The following EXOC4 variants were observed in gnomAD, a reference collection of about 807,000 sequenced individuals.
The protein encoded by EXOC4 is SEC8-like 1.
EXOC4 carries 71 observed loss-of-function variants against 107.2 expected under a neutral mutation model. The ratio of observed to expected loss-of-function variants is 0.66; its 90% CI spans 0.55 to 0.81. The LOEUF (loss-of-function observed/expected upper bound fraction) is 0.81. Among genes scored for constraint, EXOC4 ranks in the 30% least tolerant of loss-of-function variants. The pLI is 0.00. For synonymous variants in EXOC4, 456 were observed against 441.2 expected, an observed-to-expected ratio of 1.03 and a Z score of -0.42; for missense variants, 1,108 against 1,189.6, an observed-to-expected ratio of 0.93 and a Z score of 1.01.
At chr7:133,448,805 T>C (rs1459132187) in intron 7 of EXOC4, among the ~76,000 whole-genome samples, 1 of 152,132 alleles carries the variant, frequency 6.6e-6, no homozygotes, top group East Asian at 1.9e-4. Flanking sequence ...AGTGACCTTA[T>C]AGGAAGATGG....
At chr7:133,566,885 A>G (rs993477095) in intron 9 of EXOC4, among the ~76,000 whole-genome samples, 35 of 152,200 alleles carry the variant, frequency 2.3e-4, no homozygotes, top group Admixed American at 6.5e-4. Context: ...GGATATAACA[A>G]TAGACTAAAG....
chr7:133,595,922 A>C (rs534357253), intron 9 of EXOC4, among the ~76,000 whole-genome samples: 6 of 152,104 alleles, frequency 3.9e-5, no homozygotes, highest in African/African-American at 1.4e-4. Context: ...TCTCCTACAG[A>C]GCCAAATACC....
At chr7:133,356,168 T>C (rs1470686907) in intron 5 of EXOC4, among the ~76,000 whole-genome samples, 162 bp from the exon 6 acceptor site, 5 of 152,242 alleles carry the variant, frequency 3.3e-5, no homozygotes, top group African/African-American at 1.2e-4. Flanking sequence ...AATGTTATTT[T>C]GTGACTTTTG....
At chr7:134,021,860 T>G (rs1039340970) in intron 17 of EXOC4, among the ~76,000 whole-genome samples, 1 of 151,858 alleles carries the variant, frequency 6.6e-6, no homozygotes, top group Non-Finnish European at 1.5e-5. Context: ...CTGCATCTCA[T>G]TCTCCTTCAG....
chr7:134,099,363 T>C, the EXOC4 span, among the ~76,000 whole-genome samples: 2 of 99,228 alleles, frequency 2.0e-5, no homozygotes, highest in African/African-American at 1.5e-4. Flanking sequence ...CCTCCCTCTC[T>C]TCTCTCCTGA....
chr7:133,302,935 T>G (rs1794672196), intron 3 of EXOC4, among the ~76,000 whole-genome samples: 1 of 152,216 alleles, frequency 6.6e-6, no homozygotes, highest in Admixed American at 6.5e-5. Context: ...AAACAATCTT[T>G]TTATCATTAA....
At chr7:133,438,904 G>T (rs1046540631) in intron 7 of EXOC4, among the ~76,000 whole-genome samples, 1 of 152,140 alleles carries the variant, frequency 6.6e-6, no homozygotes, top group African/African-American at 2.4e-5. Context: ...ATGACAGTAG[G>T]TCAGTTCATT....
intron 10 of EXOC4, among the ~76,000 whole-genome samples, chr7:133,711,780 A>T (rs1794897810): frequency 6.6e-6 from 1 of 152,144 alleles, no homozygotes; most frequent in Non-Finnish European, 1.5e-5. Context: ...TTCATTTCAT[A>T]TGGGTGCCTC....
intron 17 of EXOC4, among the ~76,000 whole-genome samples, chr7:134,057,933 AAC>A (rs1317138941): frequency 3.9e-5 from 6 of 152,230 alleles, no homozygotes; most frequent in African/African-American, 1.4e-4. Context: ...TGAAAGACTT[AAC>A]CAGAATCTGA....
intron 7 of EXOC4, among the ~76,000 whole-genome samples, chr7:133,425,475 C>T (rs891124865): frequency 2.6e-5 from 4 of 151,984 alleles, no homozygotes; most frequent in Non-Finnish European, 5.9e-5. Context: ...TTAGTAGAGA[C>T]GGGGTATCAC....
intron 1 of EXOC4, among the ~76,000 whole-genome samples, chr7:133,254,348 C>G (rs1453660289): frequency 6.6e-6 from 1 of 152,152 alleles, no homozygotes; most frequent in Admixed American, 6.5e-5. Context: ...CTTGGTAGGC[C>G]ATACAGAGGA....
At chr7:133,440,972 T>TG (rs751499811) in intron 7 of EXOC4, among the ~76,000 whole-genome samples, 1 of 137,202 alleles carries the variant, frequency 7.3e-6, no homozygotes, top group Admixed American at 7.5e-5. Context: ...AATTATTTCT[T>TG]GTGTGAGATC....
chr7:133,830,818 C>T (rs1563018095), intron 11 of EXOC4, among the ~76,000 whole-genome samples: 1 of 152,130 alleles, frequency 6.6e-6, no homozygotes, highest in African/African-American at 2.4e-5. Flanking sequence ...CCTTATTTTG[C>T]GTATATGTGT....
chr7:133,281,732 C>T (rs1199359904), intron 2 of EXOC4, among the ~76,000 whole-genome samples: 5 of 145,218 alleles, frequency 3.4e-5, no homozygotes, highest in Admixed American at 6.9e-5. Flanking sequence ...GAAAGAGTCT[C>T]GCTCTGTTGC....
chr7:134,085,848 G>C, the EXOC4 span, among the ~76,000 whole-genome samples: 1 of 152,208 alleles, frequency 6.6e-6, no homozygotes. Flanking sequence ...AAGATCTTGG[G>C]AATGGGTTAT....
chr7:134,065,821 T>C (rs924902560), downstream of EXOC4: 4 of 152,222 alleles, frequency 2.6e-5, no homozygotes, highest in African/African-American at 4.8e-5. Context: ...AAGCCTAATA[T>C]GTGCTCCATG....
intron 8 of EXOC4, 85 bp from the exon 9 acceptor site, chr7:133,479,965 A>T: frequency 8.9e-7 from 1 of 1,119,558 alleles, no homozygotes; most frequent in Non-Finnish European, 1.4e-6. Context: ...CACACAGACC[A>T]GAGTAGAATA....
intron 7 of EXOC4, among the ~76,000 whole-genome samples, chr7:133,441,867 C>T (rs1032271064): frequency 7.2e-5 from 11 of 152,120 alleles, no homozygotes; most frequent in Non-Finnish European, 1.5e-4. Flanking sequence ...TGCACATACA[C>T]GCACACATAC....
At chr7:134,016,655 C>CCTTGTA (rs973550969) in intron 17 of EXOC4, among the ~76,000 whole-genome samples, 3 of 152,188 alleles carry the variant, frequency 2.0e-5, no homozygotes, top group Non-Finnish European at 2.9e-5. Context: ...TTATCCTTGA[C>CCTTGTA]CTTGTACCTT....
Sources: allele counts gnomAD v4.1 joint callset (sites outside exome capture counted in the v4.1 genomes callset), GRCh38; gene constraint gnomAD v4.1.1; transcripts MANE v1.5; gene names NCBI Gene and HGNC (gene_info 2026-07-23, HGNC 2026-07-21).